Variants in GPC5 observed in about 807,000 individuals in gnomAD.
GPC5 encodes glypican-5.
A neutral mutation model predicts 53.9 loss-of-function variants in GPC5; 47 were observed. The ratio of observed to expected loss-of-function variants is 0.87; its 90% CI spans 0.69 to 1.11. The LOEUF (loss-of-function observed/expected upper bound fraction) is 1.11. Among genes scored for constraint, GPC5 ranks in the 50% most tolerant of loss-of-function variants. The pLI is 0.00. For synonymous variants in GPC5, 286 were observed against 263.3 expected (o/e 1.09, Z -0.84); for missense variants, 748 against 713.1 (o/e 1.05, Z -0.56).
chr13:91,921,223 C>A (rs949783012), intron 6 of GPC5, among the ~76,000 whole-genome samples: 5 of 151,964 alleles, frequency 3.3e-5, no homozygotes, highest in South Asian at 4.1e-4. Flanking sequence ...AGGCATGAGC[C>A]GTCACTCCCG....
intron 7 of GPC5, among the ~76,000 whole-genome samples, chr13:92,538,214 G>A (rs568345101): frequency 2.0e-5 from 3 of 149,442 alleles, no homozygotes; most frequent in East Asian, 2.0e-4. Flanking sequence ...TCTATTCCTC[G>A]TCCTCCACTT....
At chr13:92,569,078 T>TC (rs1247694436) in intron 7 of GPC5, among the ~76,000 whole-genome samples, 1 of 56,536 alleles carries the variant, frequency 1.8e-5, no homozygotes, top group Non-Finnish European at 3.2e-5. Context: ...CCCTCCCCCC[T>TC]CCCCCCACCC....
intron 3 of GPC5, among the ~76,000 whole-genome samples, chr13:91,701,617 C>T (rs1594450841): frequency 6.6e-6 from 1 of 151,680 alleles, no homozygotes; most frequent in Admixed American, 6.6e-5. Context: ...CATAGGTTCT[C>T]TCTACATTAT....
chr13:91,884,763 C>T (rs2039304370), intron 5 of GPC5, among the ~76,000 whole-genome samples: 1 of 152,128 alleles, frequency 6.6e-6, no homozygotes, highest in Non-Finnish European at 1.5e-5. Flanking sequence ...TAGAAGTGCT[C>T]ATATTCAAAT....
At chr13:91,745,112 T>C (rs527487977) in intron 4 of GPC5, among the ~76,000 whole-genome samples, 2 of 152,192 alleles carry the variant, frequency 1.3e-5, no homozygotes, top group East Asian at 3.9e-4. Context: ...AAGTCCTTTT[T>C]AATGGAGAAC....
chr13:91,613,804 A>G (rs2033624263), intron 2 of GPC5, among the ~76,000 whole-genome samples: 1 of 152,206 alleles, frequency 6.6e-6, no homozygotes, highest in African/African-American at 2.4e-5. Context: ...AATTATCACC[A>G]TATTCATGGT....
intron 2 of GPC5, among the ~76,000 whole-genome samples, chr13:91,586,607 C>A (rs2032605519): frequency 8.7e-6 from 1 of 114,818 alleles, no homozygotes; most frequent in African/African-American, 3.2e-5. Flanking sequence ...GGAAGTGCTA[C>A]ATTTTTAAAC....
At chr13:91,459,737 A>G (rs1594117202) in intron 2 of GPC5, among the ~76,000 whole-genome samples, 1 of 152,120 alleles carries the variant, frequency 6.6e-6, no homozygotes. Context: ...AGAGTAATTA[A>G]TGGTCTTGGA....
At chr13:92,777,272 G>T (rs1285004888) in intron 7 of GPC5, among the ~76,000 whole-genome samples, 1 of 149,206 alleles carries the variant, frequency 6.7e-6, no homozygotes, top group Non-Finnish European at 1.5e-5. Context: ...GGAGGTAGAG[G>T]TTGCAGTGAG....
intron 7 of GPC5, among the ~76,000 whole-genome samples, chr13:92,728,263 T>C (rs574638515): frequency 1.3e-5 from 2 of 151,606 alleles, no homozygotes; most frequent in South Asian, 4.1e-4. Flanking sequence ...CATATCTTTT[T>C]TGATGAAATG....
Position 92,266,726 on chromosome 13 carries a change from C to T in GPC5, c.1561+121737C>T, listed in dbSNP as rs147230106. The stretch of plus-strand genomic sequence containing the variant: ...ACTTAGCATCTTAAGTTTCAAATAT[C>T]ATTAGCAGAAATAACATTTTTGGCG... On this transcript the variant is annotated intron_variant, in intron 7 of 7. Coordinates refer to ENST00000377067, the MANE Select transcript of GPC5 (RefSeq NM_004466.6). Among the ~76,000 whole-genome samples the T allele has an allele frequency of 3.7e-3, 568 of 152,252 alleles. 4 individuals are homozygous for T. Among genetic ancestry groups the T allele is most frequent in the African/African-American group, 0.013 (553 of 41,560 alleles).
chr13:91,481,265 C>T (rs111819077), intron 2 of GPC5, among the ~76,000 whole-genome samples: 7 of 152,130 alleles, frequency 4.6e-5, no homozygotes, highest in Non-Finnish European at 8.8e-5. Flanking sequence ...CTTGCTCCCT[C>T]CAAGAAATAT....
At chr13:92,322,858 G>A (rs1334068094) in intron 7 of GPC5, among the ~76,000 whole-genome samples, 2 of 151,944 alleles carry the variant, frequency 1.3e-5, no homozygotes, top group Non-Finnish European at 2.9e-5. Context: ...AACAAGAAAA[G>A]GCCCTTGAAC....
chr13:91,409,508 C>G (rs1877568765), intron 1 of GPC5, among the ~76,000 whole-genome samples: 1 of 152,082 alleles, frequency 6.6e-6, no homozygotes, highest in Admixed American at 6.6e-5. Context: ...TAAAATATTT[C>G]CTATTCAATT....
intron 7 of GPC5, among the ~76,000 whole-genome samples, chr13:92,296,867 G>T (rs1442398310): frequency 6.6e-6 from 1 of 152,220 alleles, no homozygotes; most frequent in Non-Finnish European, 1.5e-5. Flanking sequence ...CTGGCGCTGT[G>T]CTCGATTTCT....
At chr13:92,599,257 G>A (rs1226929577) in intron 7 of GPC5, among the ~76,000 whole-genome samples, 1 of 152,084 alleles carries the variant, frequency 6.6e-6, no homozygotes, top group Non-Finnish European at 1.5e-5. Flanking sequence ...GCAATTATTA[G>A]GTAAATATGC....
intron 2 of GPC5, among the ~76,000 whole-genome samples, chr13:91,585,011 A>G (rs2032509708): frequency 6.6e-6 from 1 of 152,272 alleles, no homozygotes; most frequent in Non-Finnish European, 1.5e-5. Flanking sequence ...AATAGAAAAA[A>G]GACAAGCCAT....
At chr13:92,756,883 T>C (rs1196343329) in intron 7 of GPC5, among the ~76,000 whole-genome samples, 1 of 150,622 alleles carries the variant, frequency 6.6e-6, no homozygotes, top group African/African-American at 2.4e-5. Flanking sequence ...GAAGAATCAA[T>C]ATCGTGAAAA....
chr13:92,533,488 ATAT>A (rs1881627565), intron 7 of GPC5, among the ~76,000 whole-genome samples: 1 of 152,202 alleles, frequency 6.6e-6, no homozygotes, highest in Non-Finnish European at 1.5e-5. Context: ...AGAAGCTAAC[ATAT>A]TATGCTGAAA....
Sources: gnomAD v4.1 joint callset for allele counts (sites outside exome capture counted in the v4.1 genomes callset) on GRCh38, gnomAD v4.1.1 for gene constraint, MANE v1.5 for transcripts, NCBI Gene and HGNC (gene_info 2026-07-23, HGNC 2026-07-21) for gene names.